Variants in DERA observed in about 807,000 individuals in gnomAD.
DERA encodes the protein deoxyribose-phosphate aldolase, also known as 2-deoxy-D-ribose 5-phosphate aldolase.
In DERA, 15 loss-of-function variants were observed where a neutral mutation model predicts 41.1. The observed-to-expected ratio is 0.37, with a 90% CI of 0.24 to 0.56. The LOEUF is 0.56. Ranked by LOEUF, DERA falls within the 20% of genes least tolerant of loss-of-function variation. The pLI, the probability that DERA is intolerant of heterozygous loss-of-function variation, is 0.81. For missense variants in DERA, 396 were observed against 403.4 expected, an observed-to-expected ratio of 0.98 and a Z score of 0.16; for synonymous variants, 139 against 137.4, an observed-to-expected ratio of 1.01 and a Z score of -0.08.
chr12:16,002,172 C>A (rs1948880285), intron 6 of DERA, among the ~76,000 whole-genome samples: 1 of 147,218 alleles, frequency 6.8e-6, no homozygotes, highest in Non-Finnish European at 1.5e-5. Context: ...TGTGATGTTC[C>A]CCTTCCTATG....
chr12:15,916,700 C>T (rs911304422), intron 1 of DERA, among the ~76,000 whole-genome samples: 1 of 152,150 alleles, frequency 6.6e-6, no homozygotes, highest in Non-Finnish European at 1.5e-5. Flanking sequence ...ATCCACCTGC[C>T]TCGGCCTCCC....
Position 15,990,576 on chromosome 12 carries a change from G to GT in DERA, c.637+8146dup, listed in dbSNP as rs572609497. Among the ~76,000 whole-genome samples the GT allele has an allele frequency of 6.6e-6, 1 of 152,020 alleles. No homozygotes were observed. Among genetic ancestry groups the GT allele is most frequent in the African/African-American group, 2.4e-5 (1 of 41,390 alleles). ...ATGTTAATCTGAGTATCCATTTGTC[G>GT]TTTTTTCTGATCCTCTTCCTCCTTC... is the stretch of plus-strand genomic sequence containing the variant. On this transcript the variant is annotated intron_variant, in intron 6 of 8. Transcript: ENST00000428559. The surrounding 1 kb of genome is among the most constrained non-coding windows in gnomAD (Gnocchi z 4.3).
intron 1 of DERA, among the ~76,000 whole-genome samples, chr12:15,948,398 G>A (rs867524380): frequency 1.3e-5 from 2 of 152,076 alleles, no homozygotes; most frequent in African/African-American, 4.8e-5. Context: ...GGCTTTGTTT[G>A]TTTCTTTTTA....
chr12:15,955,296 G>GAA (rs35293991), intron 1 of DERA, among the ~76,000 whole-genome samples: 4 of 134,554 alleles, frequency 3.0e-5, no homozygotes, highest in Non-Finnish European at 3.2e-5. Context: ...GACTGTGTCT[G>GAA]AAAAAAAAAA....
At chr12:15,917,923 C>A (rs1195181411) in intron 1 of DERA, among the ~76,000 whole-genome samples, 3 of 152,158 alleles carry the variant, frequency 2.0e-5, no homozygotes, top group African/African-American at 7.2e-5. Context: ...GTTCCCAAGG[C>A]CCTCAGCTGG....
rs1948953353 is a variant in DERA, at chr12:16,012,557, G to T, written c.638-19985G>T. On this transcript the variant is annotated intron_variant, in intron 6 of 8. Coordinates refer to ENST00000428559, the MANE Select transcript of DERA (RefSeq NM_015954.4). The surrounding 1 kb of genome is among the most constrained non-coding windows in gnomAD (Gnocchi z 4.1). ...TGCTGAGTGAAATATTCAAATTTGG[G>T]AGCAGAGCCGAGTTGTTTAGACAAG... Among the ~76,000 whole-genome samples, 1 of 152,150 alleles carries T rather than the reference G, an allele frequency of 6.6e-6. No homozygotes were observed. The highest frequency in any genetic ancestry group is 1.9e-4 in the East Asian group (1 of 5,186).
intron 1 of DERA, among the ~76,000 whole-genome samples, chr12:15,953,702 A>G (rs1201017983): frequency 6.6e-6 from 1 of 152,220 alleles, no homozygotes; most frequent in East Asian, 1.9e-4. Flanking sequence ...TATGTGCATT[A>G]GAATCACTTC....
chr12:15,960,636 CAAAA>C (rs1163104277), intron 4 of DERA, among the ~76,000 whole-genome samples: 3 of 28,718 alleles, frequency 1.0e-4, no homozygotes, highest in East Asian at 1.1e-3. Flanking sequence ...GACTCCGTCT[CAAAA>C]AAAAAAAAAA....
rs1230637093 is a variant in DERA, at chr12:16,035,748, G to A, written c.751-484G>A. ...CTTTTTTGCTGCCAGTTTGGTTAGG[G>A]TAACCTTGCAGCCTTGCTGATTCTG... is the stretch of plus-strand genomic sequence containing the variant. On this transcript the variant is annotated intron_variant, in intron 7 of 8. Coordinates refer to ENST00000428559, the MANE Select transcript of DERA (RefSeq NM_015954.4). This position sits in a 1 kb window ranked among gnomAD's most constrained non-coding sequence, Gnocchi z 4.1. Among the ~76,000 whole-genome samples, 3 of 152,180 alleles carry A rather than the reference G, an allele frequency of 2.0e-5. No homozygotes were observed. The highest frequency in any genetic ancestry group is 7.2e-5 in the African/African-American group (3 of 41,448).
At chr12:16,002,251 C>T (rs1220742943) in intron 6 of DERA, among the ~76,000 whole-genome samples, 1 of 150,694 alleles carries the variant, frequency 6.6e-6, no homozygotes, top group South Asian at 2.1e-4. Context: ...TTATTCTTAA[C>T]GCTAAAGTTA....
rs1027097318 is a variant in DERA, at chr12:15,938,401, T to C, written c.32-18535T>C. ...AAAAATTCATTCTAACACTAAAATATACTCATGTACATCAAAGCCAAAAAA... is the reference window on the plus strand; with the variant it reads ...AAAAATTCATTCTAACACTAAAATACACTCATGTACATCAAAGCCAAAAAA... On this transcript the variant is annotated intron_variant, in intron 1 of 8. Coordinates refer to ENST00000428559, the MANE Select transcript of DERA (RefSeq NM_015954.4). This position sits in a 1 kb window ranked among gnomAD's most constrained non-coding sequence, Gnocchi z 4.1. 6.6e-6 allele frequency among the ~76,000 whole-genome samples: 1 copy of C among 152,216 alleles called. No homozygotes were observed. The highest frequency in any genetic ancestry group is 6.5e-5 in the Admixed American group (1 of 15,280).
rs925277312 is a variant in DERA, at chr12:15,940,355, A to G, written c.32-16581A>G. 2.6e-5 allele frequency among the ~76,000 whole-genome samples: 4 copies of G among 151,788 alleles called. No homozygotes were observed. Among genetic ancestry groups the G allele is most frequent in the African/African-American group, 7.3e-5 (3 of 41,312 alleles). Reference sequence around the variant, plus strand: ...TTTCCTTTTTTTATTTTATTTTATTATTATTTTTTTATTTGAGATGGAGTC... The same window carrying G: ...TTTCCTTTTTTTATTTTATTTTATTGTTATTTTTTTATTTGAGATGGAGTC... On this transcript the variant is annotated intron_variant, in intron 1 of 8. Coordinates refer to ENST00000428559, the MANE Select transcript of DERA (RefSeq NM_015954.4). The surrounding 1 kb of genome is among the most constrained non-coding windows in gnomAD (Gnocchi z 5.1).
intron 6 of DERA, among the ~76,000 whole-genome samples, chr12:16,027,311 A>C (rs936492394): frequency 1.3e-5 from 2 of 152,218 alleles, no homozygotes; most frequent in African/African-American, 4.8e-5. Context: ...AGGAAATAAA[A>C]TGTGTACAGG....
rs1253559901 is a variant in DERA, at chr12:15,935,706, C to G, written c.32-21230C>G. 6.6e-6 allele frequency among the ~76,000 whole-genome samples: 1 copy of G among 152,098 alleles called. No homozygotes were observed. The highest frequency in any genetic ancestry group is 2.4e-5 in the African/African-American group (1 of 41,420). On this transcript the variant is annotated intron_variant, in intron 1 of 8. Coordinates refer to ENST00000428559, the MANE Select transcript of DERA (RefSeq NM_015954.4). This position sits in a 1 kb window ranked among gnomAD's most constrained non-coding sequence, Gnocchi z 4.8. ...TTATGAAGCAGGTTGCTACTAGAAT[C>G]TTTTCATATTGGTTTCTATATGTTG... is the stretch of plus-strand genomic sequence containing the variant.
rs1948785026 is a variant in DERA at position 15,989,118 on chromosome 12, T to TG, written c.637+6684dup. Among the ~76,000 whole-genome samples the TG allele has an allele frequency of 6.6e-6, 1 of 152,174 alleles. No individual in the cohort carries two copies. Among genetic ancestry groups the TG allele is most frequent in the Admixed American group, 6.5e-5 (1 of 15,282 alleles). ...ACAGGAATGCCTGGGTCTGGAGATG[T>TG]GGCTTGTTGGATGCAGCTGCCCCTG... On this transcript the variant is annotated intron_variant, in intron 6 of 8. Transcript: ENST00000428559. The surrounding 1 kb of genome is among the most constrained non-coding windows in gnomAD (Gnocchi z 5.2).
In DERA at chr12:15,993,699, A is replaced by T. The variant is rs1259932703; in HGVS notation, c.637+11263A>T. The stretch of plus-strand genomic sequence containing the variant: ...CTACTTATAGGGTGAAAACTAATTA[A>T]CTTGCTGTCTCATCCATGGAATAGA... On this transcript the variant is annotated intron_variant, in intron 6 of 8. Transcript: ENST00000428559. The surrounding 1 kb of genome is among the most constrained non-coding windows in gnomAD (Gnocchi z 4.4). 6.6e-6 allele frequency among the ~76,000 whole-genome samples: 1 copy of T among 152,174 alleles called. No homozygotes were observed. Among genetic ancestry groups the T allele is most frequent in the African/African-American group, 2.4e-5 (1 of 41,446 alleles).
rs1239774871 is a variant in DERA at position 15,967,898 on chromosome 12, C to T, written c.508+4951C>T. Among the ~76,000 whole-genome samples, 1 of 152,106 alleles carries T rather than the reference C, an allele frequency of 6.6e-6. No homozygotes were observed. Among genetic ancestry groups the T allele is most frequent in the Non-Finnish European group, 1.5e-5 (1 of 68,038 alleles). On this transcript the variant is annotated intron_variant, in intron 5 of 8. Coordinates refer to ENST00000428559, the MANE Select transcript of DERA (RefSeq NM_015954.4). This position sits in a 1 kb window ranked among gnomAD's most constrained non-coding sequence, Gnocchi z 4.9. ...CTGACAAACATTTTCAAATGATTTGCCCCAGCTGCTTTCCTGACAGGATTA... is the reference window on the plus strand; with the variant it reads ...CTGACAAACATTTTCAAATGATTTGTCCCAGCTGCTTTCCTGACAGGATTA...
Position 15,915,269 on chromosome 12 carries a change from C to G in DERA, c.31+3855C>G, listed in dbSNP as rs917181933. ...AAATGGGTTGTGAAAACAGAATGTC[C>G]TGGGCCTTTTGCATTATAATTTTTA... On this transcript the variant is annotated intron_variant, in intron 1 of 8. Transcript: ENST00000428559. The surrounding 1 kb of genome is among the most constrained non-coding windows in gnomAD (Gnocchi z 4.8). Among the ~76,000 whole-genome samples the G allele has an allele frequency of 3.3e-5, 5 of 152,106 alleles. No homozygotes were observed. The highest frequency in any genetic ancestry group is 1.2e-4 in the African/African-American group (5 of 41,402).
At position 15,941,252 on chromosome 12, in the gene DERA, A is replaced by C. The variant is rs1270759195; in HGVS notation, c.32-15684A>C. ...GTTGTGTGTTTGTGTCTCTTGCATG[A>C]TTGAGCTCAGGCCGGGGCTCAACTA... is the stretch of plus-strand genomic sequence containing the variant. On this transcript the variant is annotated intron_variant, in intron 1 of 8. Transcript: ENST00000428559. The surrounding 1 kb of genome is among the most constrained non-coding windows in gnomAD (Gnocchi z 4.5). 1.3e-5 allele frequency among the ~76,000 whole-genome samples: 2 copies of C among 152,156 alleles called. No homozygotes were observed. Among genetic ancestry groups the C allele is most frequent in the African/African-American group, 4.8e-5 (2 of 41,426 alleles).
Sources: allele counts gnomAD v4.1 joint callset (sites outside exome capture counted in the v4.1 genomes callset), GRCh38; gene constraint gnomAD v4.1.1; non-coding constraint Gnocchi (gnomAD v3.1); transcripts MANE v1.5; gene names NCBI Gene and HGNC (gene_info 2026-07-23, HGNC 2026-07-21).